The following KIF5C variants were observed in gnomAD, a reference collection of about 807,000 sequenced individuals.
KIF5C encodes the protein kinesin family member 5C, also known as kinesin heavy chain isoform 5C.
A neutral mutation model predicts 125.2 loss-of-function variants in KIF5C; 18 were observed. The observed-to-expected ratio is 0.14, with a 90% confidence interval of 0.10 to 0.21. The LOEUF is 0.21. Among genes scored for constraint, KIF5C ranks in the 10% least tolerant of loss-of-function variants. The probability of loss-of-function intolerance (pLI) is 1.00; values close to 1 mark genes in which losing one functional copy is unlikely to be tolerated. For synonymous variants in KIF5C, 405 were observed against 434.0 expected, an observed-to-expected ratio of 0.93 and a Z score of 0.83; for missense variants, 780 against 1,183.8, an observed-to-expected ratio of 0.66 and a Z score of 5.01.
chr2:149,006,935 A>G (rs1236181543), intron 22 of KIF5C, among the ~76,000 whole-genome samples: 1 of 152,168 alleles, frequency 6.6e-6, no homozygotes, highest in Admixed American at 6.5e-5. Context: ...AGGGAGGGTT[A>G]GGAGCTTGAG....
chr2:149,025,907 C>T lies in KIF5C; in HGVS notation c.*2837C>T, dbSNP rs1217807375. 2 of 152,548 alleles carry T rather than the reference C, an allele frequency of 1.3e-5. No homozygotes were observed. Among genetic ancestry groups the T allele is most frequent in the East Asian group, 1.9e-4 (1 of 5,198 alleles). The allele number at this position is 152,548 out of a possible 1,614,324, so 9.4% of individuals were successfully genotyped here. On this transcript the variant is annotated 3_prime_UTR_variant, in exon 26 of 26. Transcript: ENST00000435030. ...GTAGTAGACAGAACAATAACAGTTTCGCGTTAAGACTTTTAAAGGAAATAG... is the reference window on the plus strand; with the variant it reads ...GTAGTAGACAGAACAATAACAGTTTTGCGTTAAGACTTTTAAAGGAAATAG...
Position 148,875,574 on chromosome 2 carries a change from G to A in KIF5C, c.-44G>A, listed in dbSNP as rs557953832. ...CTCCTCCCTCGTCGTTCCCGGCCCC[G>A]GCCCCCCACCCATCCCCGTGCCCCC... is the stretch of plus-strand genomic sequence containing the variant. On this transcript the variant is annotated 5_prime_UTR_variant, in exon 1 of 26. Transcript: ENST00000435030. The A allele has an allele frequency of 2.5e-3, 1,249 of 495,222 alleles. 32 individuals are homozygous for A. The highest frequency in any genetic ancestry group is 0.023 in the South Asian group (1,213 of 53,276). 30.7% of individuals were successfully genotyped at this position (495,222 alleles called of 1,614,324 possible).
At chr2:148,928,451 T>G (rs1160711656) in intron 2 of KIF5C, among the ~76,000 whole-genome samples, 1 of 152,076 alleles carries the variant, frequency 6.6e-6, no homozygotes, top group Non-Finnish European at 1.5e-5. Context: ...GAGAAATGAG[T>G]GCTAAATATA....
intron 25 of KIF5C, among the ~76,000 whole-genome samples, chr2:149,013,466 T>C (rs767210489): frequency 6.6e-6 from 1 of 152,194 alleles, no homozygotes; most frequent in Non-Finnish European, 1.5e-5. Flanking sequence ...CACATCTAGC[T>C]GGAAAAGGTA....
rs1270094837 is a variant in KIF5C at position 148,973,357 on chromosome 2, A to G, written c.1139A>G (p.Glu380Gly). ...GCAGGAGAAGCTGTGCCTGAGGATG[A>G]ACAGATCAGTGCCAAGGACCAGAAG... ...WRNGEAVPED[E>G]QISAKDQKNL... The change falls in exon 12 of 26, where the codon GAA becomes GGA. Residue 380 changes from glutamate to glycine, a missense_variant. By Grantham distance (98) the Glu-to-Gly change is moderately conservative. Transcript: ENST00000435030. 1 of 1,612,982 alleles carries G rather than the reference A, an allele frequency of 6.2e-7. No homozygotes were observed. The highest frequency in any genetic ancestry group is 1.7e-5 in the Admixed American group (1 of 59,824).
At chr2:148,875,774 T>A in intron 1 of KIF5C, 31 bp downstream of exon 1, 1 of 1,586,190 alleles carries the variant, frequency 6.3e-7, no homozygotes, top group Non-Finnish European at 8.6e-7. Flanking sequence ...CCTTCCCTGC[T>A]GCTCCGCGCC....
At chr2:148,961,444 A>T (rs1682924943) in intron 10 of KIF5C, among the ~76,000 whole-genome samples, 1 of 152,178 alleles carries the variant, frequency 6.6e-6, no homozygotes, top group Admixed American at 6.5e-5. Context: ...AGGAAGAGAA[A>T]TAATTGATTC....
At chr2:149,017,815 T>A (rs1476980784) in intron 25 of KIF5C, among the ~76,000 whole-genome samples, 1 of 152,224 alleles carries the variant, frequency 6.6e-6, no homozygotes, top group Non-Finnish European at 1.5e-5. Flanking sequence ...ACAGATCTTA[T>A]ACAACTGTCA....
rs1464818388 is a variant in KIF5C at position 149,023,365 on chromosome 2, G to A, written c.*295G>A. The A allele has an allele frequency of 6.6e-6, 1 of 152,588 alleles. No homozygotes were observed. Among genetic ancestry groups the A allele is most frequent in the Admixed American group, 6.5e-5 (1 of 15,276 alleles). 9.5% of individuals were successfully genotyped at this position (152,588 alleles called of 1,614,324 possible). On this transcript the variant is annotated 3_prime_UTR_variant, in exon 26 of 26. Coordinates refer to ENST00000435030, the MANE Select transcript of KIF5C (RefSeq NM_004522.3). The stretch of plus-strand genomic sequence containing the variant: ...GTTGGGTGGTTTCTGGGTGGTTCCT[G>A]GAGCCTCCTCTGGGCAGTGCACTGT...
At chr2:148,957,607 A>T (rs576507432) in intron 10 of KIF5C, among the ~76,000 whole-genome samples, 1 of 150,480 alleles carries the variant, frequency 6.6e-6, no homozygotes. Flanking sequence ...AAAAAAAAAA[A>T]AAAAAAAAAA....
chr2:149,012,054 G>T (rs1682224094), intron 25 of KIF5C, among the ~76,000 whole-genome samples: 1 of 152,180 alleles, frequency 6.6e-6, no homozygotes, highest in African/African-American at 2.4e-5. Context: ...AGAAGTTGGG[G>T]GTTGCTTTAA....
chr2:148,968,852 T>C (rs1680818880), intron 11 of KIF5C, among the ~76,000 whole-genome samples: 1 of 152,184 alleles, frequency 6.6e-6, no homozygotes, highest in South Asian at 2.1e-4. Context: ...AGATTTCCTT[T>C]TAGTTTCTTT....
In KIF5C at chr2:148,875,305, G is replaced by A. The variant is rs1193816629; in HGVS notation, c.-313G>A. On this transcript the variant is annotated 5_prime_UTR_variant, in exon 1 of 26. Coordinates refer to ENST00000435030, the MANE Select transcript of KIF5C (RefSeq NM_004522.3). ...CTGAGCCGGGCGAGGCTCGCTCCCTGCGCATCGCCTCCTCCGCCCGCCGCG... is the reference window on the plus strand; with the variant it reads ...CTGAGCCGGGCGAGGCTCGCTCCCTACGCATCGCCTCCTCCGCCCGCCGCG... 1.8e-5 allele frequency: 5 copies of A among 276,820 alleles called. No homozygotes were observed. In the Middle Eastern group the frequency reaches 3.1e-3, roughly 170 times the overall value. 17.1% of individuals were successfully genotyped at this position (276,820 alleles called of 1,614,324 possible). A position where few individuals can be genotyped will look rare whatever the true frequency, so the allele number is the denominator to read the frequency against.
chr2:148,933,455 C>T (rs1682219726), intron 3 of KIF5C, among the ~76,000 whole-genome samples: 1 of 151,746 alleles, frequency 6.6e-6, no homozygotes, highest in Non-Finnish European at 1.5e-5. Flanking sequence ...TCCACCCCCC[C>T]CACATACATC....
chr2:148,977,179 T>C (rs1281986680), intron 12 of KIF5C, among the ~76,000 whole-genome samples: 1 of 152,262 alleles, frequency 6.6e-6, no homozygotes, highest in African/African-American at 2.4e-5. Flanking sequence ...TCTTCTGTAG[T>C]ATCATCCTTG....
At chr2:148,879,792 C>CTTAT (rs1681297172) in intron 1 of KIF5C, 1 of 152,186 alleles carries the variant, frequency 6.6e-6, no homozygotes, top group Admixed American at 6.5e-5. Flanking sequence ...TCACTTTCCT[C>CTTAT]TTATTGGGCT....
At chr2:148,998,354 G>T in intron 18 of KIF5C, 46 bp from the exon 19 acceptor site, 1 of 1,551,576 alleles carries the variant, frequency 6.4e-7, no homozygotes, top group South Asian at 1.2e-5. Flanking sequence ...AGAGTGGGCT[G>T]AGTGCCAACG....
chr2:148,875,659 G>A lies in KIF5C; in HGVS notation c.42G>A (p.Arg14=), dbSNP rs757376824. 4 of 1,572,018 alleles carry A rather than the reference G, an allele frequency of 2.5e-6. No homozygotes were observed. Among genetic ancestry groups the A allele is most frequent in the African/African-American group, 1.4e-5 (1 of 73,892 alleles). ...AATGCAGCATCAAAGTGATGTGCCG[G>A]TTCCGGCCCCTCAACGAAGCGGAGA... is the stretch of plus-strand genomic sequence containing the variant. ...PAECSIKVMC[R]FRPLNEAEIL... The change falls in exon 1 of 26, where the codon CGG becomes CGA. Residue 14 remains arginine, a synonymous_variant. Transcript: ENST00000435030.
At chr2:148,920,853 A>G (rs1681755525) in intron 1 of KIF5C, among the ~76,000 whole-genome samples, 1 of 152,200 alleles carries the variant, frequency 6.6e-6, no homozygotes, top group Non-Finnish European at 1.5e-5. Context: ...CCTGGTGTCC[A>G]GAGCCACACA....
Sources: gnomAD v4.1 joint callset for allele counts (sites outside exome capture counted in the v4.1 genomes callset) on GRCh38, gnomAD v4.1.1 for gene constraint, MANE v1.5 for transcripts, NCBI Gene and HGNC (gene_info 2026-07-23, HGNC 2026-07-21) for gene names.